The following ELP3 variants were observed in gnomAD, a reference collection of about 807,000 sequenced individuals.
ELP3 encodes the protein elongator acetyltransferase complex subunit 3, also known as elongator complex protein 3.
ELP3 carries 56 observed loss-of-function variants against 74.9 expected under a neutral mutation model. The ratio of observed to expected loss-of-function variants is 0.75; its 90% CI spans 0.60 to 0.93. The LOEUF (loss-of-function observed/expected upper bound fraction) is 0.93. ELP3 is among the 40% of genes least tolerant of loss of function. ELP3 has a pLI of 0.00. For synonymous variants in ELP3, 222 were observed against 239.8 expected (o/e 0.93, Z 0.68); for missense variants, 573 against 686.5 (o/e 0.83, Z 1.85).
At chr8:28,185,939 T>C (rs1363009313) in intron 14 of ELP3, among the ~76,000 whole-genome samples, 3 of 152,226 alleles carry the variant, frequency 2.0e-5, no homozygotes, top group African/African-American at 7.2e-5. Flanking sequence ...TGACCTCATT[T>C]GTTTTTCTCT....
rs1271476608 is a variant in ELP3 at position 28,190,108 on chromosome 8, G to A, written c.*383G>A. The A allele has an allele frequency of 1.2e-5, 2 of 169,922 alleles. No homozygotes were observed. Among genetic ancestry groups the A allele is most frequent in the Non-Finnish European group, 2.5e-5 (2 of 79,160 alleles). 10.5% of individuals were successfully genotyped at this position (169,922 alleles called of 1,614,324 possible). ...CATTCGAGGAGCAAACTTAAGAGTA[G>A]TTTATTTATATACCCTGGGGACAGA... is the stretch of plus-strand genomic sequence containing the variant. On this transcript the variant is annotated 3_prime_UTR_variant, in exon 15 of 15. Coordinates refer to ENST00000256398, the MANE Select transcript of ELP3 (RefSeq NM_018091.6).
At chr8:28,131,182 AAGG>A (rs1812774416) in intron 8 of ELP3, among the ~76,000 whole-genome samples, 1 of 152,148 alleles carries the variant, frequency 6.6e-6, no homozygotes, top group Admixed American at 6.5e-5. Flanking sequence ...ATGGGAAGTC[AAGG>A]AGGCTTGGAG....
Position 28,182,132 on chromosome 8 carries a change from G to C in ELP3, c.1568-7517G>C, listed in dbSNP as rs576750819. 2.6e-5 allele frequency among the ~76,000 whole-genome samples: 4 copies of C among 152,232 alleles called. No homozygotes were observed. The East Asian group carries it at 5.8e-4, about 22-fold the overall frequency. On this transcript the variant is annotated intron_variant, in intron 14 of 14. Transcript: ENST00000256398. ...TGCATTTATCCCCTTAGAACAGAAG[G>C]CTGCAGTAACTTGGAGGAACAAAGA...
chr8:28,140,351 A>G (rs1236787545), intron 10 of ELP3, among the ~76,000 whole-genome samples: 1 of 152,180 alleles, frequency 6.6e-6, no homozygotes, highest in Non-Finnish European at 1.5e-5. Flanking sequence ...ATAAATATTG[A>G]TATTAACAGA....
intron 7 of ELP3, chr8:28,129,240 AG>A (rs1812699045): frequency 2.9e-6 from 1 of 349,410 alleles, no homozygotes; most frequent in African/African-American, 2.0e-5. Context: ...ATGCTAGCTC[AG>A]TCACGTCAAT....
At chr8:28,121,321 A>ATTT (rs1441742573) in intron 7 of ELP3, among the ~76,000 whole-genome samples, 36 of 141,260 alleles carry the variant, frequency 2.5e-4, no homozygotes, top group Middle Eastern at 3.7e-3. Flanking sequence ...TATTATTATT[A>ATTT]TTATTTTTTT....
At chr8:28,092,859 C>G (rs145820392), upstream of ELP3, 228 of 320,204 alleles carry the variant, frequency 7.1e-4, 3 homozygotes, top group East Asian at 0.015. Flanking sequence ...CACTTCCACC[C>G]TTTCACTTAG....
At chr8:28,154,411 A>C (rs1447265244) in intron 10 of ELP3, among the ~76,000 whole-genome samples, 1 of 152,214 alleles carries the variant, frequency 6.6e-6, no homozygotes, top group Non-Finnish European at 1.5e-5. Context: ...ACTGGTTGCC[A>C]CTGACTTTAT....
intron 14 of ELP3, among the ~76,000 whole-genome samples, chr8:28,188,965 A>G (rs936473): frequency 1 from 151,665 of 152,274 alleles, 75,530 homozygotes; most frequent in Middle Eastern, 1. Context: ...GAGTTAAATT[A>G]TAGAACACCC....
chr8:28,099,794 G>T, intron 2 of ELP3, 34 bp from the exon 3 acceptor site: 1 of 1,613,012 alleles, frequency 6.2e-7, no homozygotes, highest in African/African-American at 1.3e-5. Flanking sequence ...TTAAATAACC[G>T]TAATCTTGAT....
At chr8:28,162,163 C>A in intron 14 of ELP3, 85 bp downstream of exon 14, 1 of 1,349,614 alleles carries the variant, frequency 7.4e-7, no homozygotes. Flanking sequence ...CCCTCTTGCC[C>A]CTGTTGATGG....
chr8:28,167,199 A>G (rs1360107339), intron 14 of ELP3, among the ~76,000 whole-genome samples: 5 of 152,226 alleles, frequency 3.3e-5, no homozygotes, highest in Non-Finnish European at 5.9e-5. Context: ...ATCCTTAATC[A>G]TGATGGTCTT....
chr8:28,105,168 G>A (rs1002148854), intron 3 of ELP3, among the ~76,000 whole-genome samples: 1 of 151,998 alleles, frequency 6.6e-6, no homozygotes, highest in African/African-American at 2.4e-5. Flanking sequence ...GATCACCTGA[G>A]GTCAGGAGTT....
chr8:28,159,782 T>C (rs1022602879), intron 12 of ELP3, among the ~76,000 whole-genome samples: 2 of 152,156 alleles, frequency 1.3e-5, no homozygotes, highest in African/African-American at 4.8e-5. Context: ...ACATTTTTCT[T>C]CCCCAAAGAT....
intron 7 of ELP3, among the ~76,000 whole-genome samples, chr8:28,118,550 T>G (rs77496196): frequency 0.012 from 1,844 of 152,264 alleles, 28 homozygotes; most frequent in African/African-American, 0.039. Context: ...TGGACTGAGA[T>G]TCTTCAGTAG....
chr8:28,141,107 C>T (rs758800062), intron 10 of ELP3, among the ~76,000 whole-genome samples: 3 of 152,144 alleles, frequency 2.0e-5, no homozygotes. Flanking sequence ...AACCAACTAC[C>T]GACTGTACAT....
chr8:28,115,345 A>C (rs1325170156), intron 7 of ELP3, among the ~76,000 whole-genome samples: 1 of 152,150 alleles, frequency 6.6e-6, no homozygotes, highest in Non-Finnish European at 1.5e-5. Context: ...ACTAAGTGAA[A>C]AGCAATTTTT....
chr8:28,092,540 A>T (rs968090326), upstream of ELP3, among the ~76,000 whole-genome samples: 1 of 152,042 alleles, frequency 6.6e-6, no homozygotes, highest in Non-Finnish European at 1.5e-5. Context: ...GCCCGGCCCT[A>T]AGCTTAACTT....
At chr8:28,141,164 A>C (rs1295395941) in intron 10 of ELP3, among the ~76,000 whole-genome samples, 1 of 152,176 alleles carries the variant, frequency 6.6e-6, no homozygotes, top group Non-Finnish European at 1.5e-5. Context: ...GCAGAGTGAA[A>C]GAGAATAACC....
Sources: gnomAD v4.1 joint callset for allele counts (sites outside exome capture counted in the v4.1 genomes callset) on GRCh38, gnomAD v4.1.1 for gene constraint, MANE v1.5 for transcripts, NCBI Gene and HGNC (gene_info 2026-07-23, HGNC 2026-07-21) for gene names.